PDK3: variants seen among roughly 807,000 people sequenced by gnomAD.
The protein encoded by PDK3 is pyruvate dehydrogenase kinase, isozyme 3.
Under a neutral mutation model 32.0 loss-of-function variants are expected in PDK3, and 12 were observed. The observed-to-expected ratio is 0.37, with a 90% CI of 0.24 to 0.61. The LOEUF (loss-of-function observed/expected upper bound fraction) is 0.61. PDK3 is among the 20% of genes least tolerant of loss of function. The probability of loss-of-function intolerance (pLI) is 0.65; values close to 1 mark genes in which losing one functional copy is unlikely to be tolerated. For synonymous variants in PDK3, 122 were observed against 116.3 expected (o/e 1.05, Z -0.31); for missense variants, 188 against 316.9 (o/e 0.59, Z 3.09).
At chrX:24,496,359 G>A (rs1343509703) in intron 2 of PDK3, among the ~76,000 whole-genome samples, 1 of 108,242 alleles carries the variant, frequency 9.2e-6, no homozygotes, top group Non-Finnish European at 1.9e-5. Context: ...TCTATATATG[G>A]TACACACACC....
chrX:24,500,703 T>C (rs1921833149), intron 3 of PDK3, among the ~76,000 whole-genome samples: 1 of 112,221 alleles, frequency 8.9e-6, no homozygotes, highest in African/African-American at 3.2e-5. Flanking sequence ...GCGAGTATCA[T>C]GGTAGCAGCC....
At chrX:24,525,654 C>G (rs907536052) in intron 6 of PDK3, among the ~76,000 whole-genome samples, 10 of 111,922 alleles carry the variant, frequency 8.9e-5, no homozygotes, top group Non-Finnish European at 1.7e-4. Flanking sequence ...GGGAAAAGAT[C>G]ATAGGTCTCT....
chrX:24,504,551 G>A (rs192249478), intron 4 of PDK3, among the ~76,000 whole-genome samples: 1 of 111,846 alleles, frequency 8.9e-6, no homozygotes, highest in Non-Finnish European at 1.9e-5. Flanking sequence ...TCCTTCTTTT[G>A]TTAGTCGCAA....
chrX:24,524,759 C>A (rs1188357142), intron 6 of PDK3, among the ~76,000 whole-genome samples: 1 of 112,036 alleles, frequency 8.9e-6, no homozygotes, highest in African/African-American at 3.2e-5. Flanking sequence ...GTGGCTGCCT[C>A]TGGGTTCAGA....
At chrX:24,529,758 CAA>C (rs535951847) in intron 9 of PDK3, among the ~76,000 whole-genome samples, 9 of 50,493 alleles carry the variant, frequency 1.8e-4, no homozygotes, top group Admixed American at 2.7e-4. Flanking sequence ...GGCTCTGCCT[CAA>C]AAAAAAAAAA....
At chrX:24,534,934 G>A (rs5986316), downstream of PDK3, among the ~76,000 whole-genome samples, 98 of 112,322 alleles carry the variant, frequency 8.7e-4, no homozygotes, top group African/African-American at 2.7e-3. Flanking sequence ...CACCAGCCTG[G>A]GGGACAGAAT....
chrX:24,510,614 A>G (rs1384252240), intron 5 of PDK3, among the ~76,000 whole-genome samples: 3 of 112,011 alleles, frequency 2.7e-5, no homozygotes, highest in African/African-American at 9.7e-5. Context: ...GAATTTCTCT[A>G]TCTCCAGCAC....
In PDK3 at chrX:24,504,202, A is replaced by G. The variant is rs1237224495; in HGVS notation, c.505+691A>G. ...TGCTGCATCACAAAGTGGACAAACC[A>G]TCTTTATTTTAGTAATTTGATTTAT... On this transcript the variant is annotated intron_variant, in intron 4 of 10. Transcript: ENST00000379162. 2.7e-5 allele frequency among the ~76,000 whole-genome samples: 3 copies of G among 112,593 alleles called. 1 individual carries two copies. The highest frequency in any genetic ancestry group is 5.5e-4 in the East Asian group (2 of 3,626).
rs74314229 is a variant in PDK3, at chrX:24,475,184, A to AT, written c.106+9637dup. Among the ~76,000 whole-genome samples the AT allele has an allele frequency of 6.7e-3, 691 of 103,767 alleles. 8 individuals carry two copies. Among genetic ancestry groups the AT allele is most frequent in the African/African-American group, 0.02 (581 of 28,798 alleles). The allele number at this position is 103,767 out of a possible 115,157, so 90.1% of individuals were successfully genotyped here. On this transcript the variant is annotated intron_variant, in intron 1 of 10. Coordinates refer to ENST00000379162, the MANE Select transcript of PDK3 (RefSeq NM_005391.5). The stretch of plus-strand genomic sequence containing the variant: ...GTACCTTTACATATGTAAATGACAG[A>AT]TTTTTTTTTTTTTTCCCTGTAAGCA...
At chrX:24,508,960 G>A (rs775746504) in intron 5 of PDK3, among the ~76,000 whole-genome samples, 3 of 111,143 alleles carry the variant, frequency 2.7e-5, no homozygotes, top group African/African-American at 9.8e-5. Context: ...CAGGTGATCC[G>A]CCCGCCTTGG....
chrX:24,498,728 G>C, intron 2 of PDK3, 101 bp from the exon 3 acceptor site: 1 of 444,735 alleles, frequency 2.2e-6, no homozygotes, highest in Non-Finnish European at 3.6e-6. Context: ...AGACCTGAGT[G>C]AAATTTTGGA....
At chrX:24,474,741 G>T (rs1312112454) in intron 1 of PDK3, among the ~76,000 whole-genome samples, 1 of 111,468 alleles carries the variant, frequency 9.0e-6, no homozygotes, top group African/African-American at 3.3e-5. Flanking sequence ...GTGTCCCCAT[G>T]TGTAAATATA....
intron 5 of PDK3, among the ~76,000 whole-genome samples, chrX:24,506,430 G>A (rs1248224331): frequency 8.9e-5 from 10 of 111,912 alleles, no homozygotes; most frequent in African/African-American, 3.3e-4. Context: ...AGAAAACTTG[G>A]TTCAGACAGT....
intron 1 of PDK3, among the ~76,000 whole-genome samples, chrX:24,474,018 C>T (rs1300238722): frequency 8.9e-6 from 1 of 111,993 alleles, no homozygotes; most frequent in Admixed American, 9.5e-5. Flanking sequence ...TTCACATTTT[C>T]TTTTGGACTT....
chrX:24,474,998 T>G (rs1265733111), intron 1 of PDK3, among the ~76,000 whole-genome samples: 1 of 111,728 alleles, frequency 9.0e-6, no homozygotes, highest in East Asian at 2.8e-4. Context: ...TGACTCCCTT[T>G]CGCAAAGTCT....
intron 10 of PDK3, 89 bp from the exon 11 acceptor site, chrX:24,533,840 A>C (rs184048738): frequency 8.0e-5 from 78 of 971,113 alleles, no homozygotes; most frequent in Non-Finnish European, 1.0e-4. Context: ...AAGGTTTCTG[A>C]TGTTTTAAAT....
exon 12 of PDK3, among the ~76,000 whole-genome samples, chrX:24,542,678 A>T (rs1922916700): frequency 8.9e-6 from 1 of 112,536 alleles, no homozygotes; most frequent in Non-Finnish European, 1.9e-5. Context: ...TTTACCAAAA[A>T]TGACAGGCAA....
At chrX:24,516,596 G>A (rs185171424) in intron 5 of PDK3, among the ~76,000 whole-genome samples, 4 of 111,733 alleles carry the variant, frequency 3.6e-5, no homozygotes, top group South Asian at 3.7e-4. Flanking sequence ...ACAGAAGACC[G>A]CATATTATTC....
chrX:24,548,811 G>C (rs1923045674), exon 12 of PDK3: 1 of 112,309 alleles, frequency 8.9e-6, no homozygotes, highest in South Asian at 3.7e-4. Context: ...AGTTACAAAA[G>C]TGAAATCCGA....
Sources: allele counts gnomAD v4.1 joint callset (sites outside exome capture counted in the v4.1 genomes callset), GRCh38; gene constraint gnomAD v4.1.1; transcripts MANE v1.5; gene names NCBI Gene and HGNC (gene_info 2026-07-23, HGNC 2026-07-21).